SEMA4C: variants seen among roughly 807,000 people sequenced by gnomAD.
SEMA4C encodes semaphorin-4C.
SEMA4C carries 19 observed loss-of-function variants against 89.0 expected under a neutral mutation model. The observed-to-expected ratio is 0.21, with a 90% CI of 0.15 to 0.31. The LOEUF is 0.31. SEMA4C is among the 10% of genes least tolerant of loss of function. The pLI, the probability that SEMA4C is intolerant of heterozygous loss-of-function variation, is 1.00. For synonymous variants in SEMA4C, 428 were observed against 472.7 expected, an observed-to-expected ratio of 0.91 and a Z score of 1.23; for missense variants, 811 against 1,107.0, an observed-to-expected ratio of 0.73 and a Z score of 3.79.
At chr2:96,870,396 C>T (rs368241883), upstream of SEMA4C, 609 of 919,856 alleles carry the variant, frequency 6.6e-4, 3 homozygotes, top group African/African-American at 7.9e-3. Flanking sequence ...TCTGAAGTGT[C>T]CCCCGAAGAC....
Position 96,860,675 on chromosome 2 carries a change from T to A in SEMA4C, c.2453A>T (p.Gln818Leu). Reference sequence around the variant, plus strand: ...GGAGTCGGGCAGTGGCTGGCGTTGCTGCAGTTTGCGTCTCAGTTCATCCGC... The same window carrying A: ...GGAGTCGGGCAGTGGCTGGCGTTGCAGCAGTTTGCGTCTCAGTTCATCCGC... ...ELADELRRKL[Q>L]QRQPLPDSNP... Residue 818 changes from glutamine to leucine, a missense_variant, in exon 15 of 15, where the codon CAG becomes CTG. This residue lies in a region of SEMA4C where 248 missense variants were observed against 269.0 expected (regional missense o/e 0.92). Coordinates refer to ENST00000305476, the MANE Select transcript of SEMA4C (RefSeq NM_017789.5). 1 of 1,613,104 alleles carries A rather than the reference T, an allele frequency of 6.2e-7. No individual in the cohort carries two copies. The highest frequency in any genetic ancestry group is 1.1e-5 in the South Asian group (1 of 91,034).
Position 96,863,909 on chromosome 2 carries a change from C to G in SEMA4C, c.1330+17G>C. The G allele has an allele frequency of 6.2e-7, 1 of 1,600,102 alleles. No individual in the cohort carries two copies. The highest frequency in any genetic ancestry group is 8.5e-7 in the Non-Finnish European group (1 of 1,170,932). On this transcript the variant is annotated intron_variant, in intron 11 of 14. Transcript: ENST00000305476. Reference sequence around the variant, plus strand: ...GCCCAGCCTTGAGCAGCCATGCCTGCATACCCATGCACCCACCTGTGCCAA... The same window carrying G: ...GCCCAGCCTTGAGCAGCCATGCCTGGATACCCATGCACCCACCTGTGCCAA...
At position 96,870,009 on chromosome 2, in the gene SEMA4C, C is replaced by G. The variant is rs1402915453; in HGVS notation, c.-171G>C. 3.0e-6 allele frequency: 3 copies of G among 985,832 alleles called. No individual in the cohort carries two copies. The highest frequency in any genetic ancestry group is 5.2e-4 in the Middle Eastern group (1 of 1,916). 61.1% of individuals were successfully genotyped at this position (985,832 alleles called of 1,614,324 possible). A position where few individuals can be genotyped will look rare whatever the true frequency, so the allele number is the denominator to read the frequency against. On this transcript the variant is annotated 5_prime_UTR_variant, in exon 1 of 15. Coordinates refer to ENST00000305476, the MANE Select transcript of SEMA4C (RefSeq NM_017789.5). ...CGCGGCCTCTCTGCCACCGCCCCTC[C>G]GTCCCCGCCCGGCTCCGCGCCCCTA...
chr2:96,870,030 C>T lies in SEMA4C; in HGVS notation c.-192G>A. On this transcript the variant is annotated 5_prime_UTR_variant, in exon 1 of 15. Transcript: ENST00000305476. ...CCTCCGTCCCCGCCCGGCTCCGCGCCCCTAGGCTCGGGCTCCCCGCGCCAC... is the reference window on the plus strand; with the variant it reads ...CCTCCGTCCCCGCCCGGCTCCGCGCTCCTAGGCTCGGGCTCCCCGCGCCAC... The T allele has an allele frequency of 1.0e-6, 1 of 984,638 alleles. No homozygotes were observed. The highest frequency in any genetic ancestry group is 1.2e-6 in the Non-Finnish European group (1 of 828,856). 61.0% of individuals were successfully genotyped at this position (984,638 alleles called of 1,614,324 possible). A position where few individuals can be genotyped will look rare whatever the true frequency, so the allele number is the denominator to read the frequency against.
chr2:96,861,310 A>G lies in SEMA4C; in HGVS notation c.1818T>C (p.Asp606=). 1 of 1,607,552 alleles carries G rather than the reference A, an allele frequency of 6.2e-7. No homozygotes were observed. Among genetic ancestry groups the G allele is most frequent in the Non-Finnish European group, 8.5e-7 (1 of 1,179,904 alleles). The change falls in exon 15 of 15, where the codon GAT becomes GAC. Residue 606 remains aspartate, a synonymous_variant. Coordinates refer to ENST00000305476, the MANE Select transcript of SEMA4C (RefSeq NM_017789.5). The surrounding 1 kb of genome is among the most constrained non-coding windows in gnomAD (Gnocchi z 7.8). The part of the protein sequence containing the change: ...PAEQPGSFLY[D]ARLQALVVMA... ...TCACAACCAGGGCCTGGAGCCGGGCATCGTAGAGGAAGGACCCGGGCTGTT... is the reference window on the plus strand; with the variant it reads ...TCACAACCAGGGCCTGGAGCCGGGCGTCGTAGAGGAAGGACCCGGGCTGTT...
Position 96,865,899 on chromosome 2 carries a change from T to C in SEMA4C, c.289A>G (p.Thr97Ala). The change falls in exon 4 of 15, where the codon ACT (threonine) becomes GCT (alanine). Residue 97 changes from threonine to alanine, a missense_variant. Physicochemically the swap from Thr to Ala is moderately conservative, Grantham distance 58. Around this residue, in one of 4 missense-constraint regions of SEMA4C, gnomAD observed 119 missense variants for 152.7 expected, o/e 0.78. Transcript: ENST00000305476. ...ISWEAPVEKK[T>A]ECIQKGKNNQ... ...TTCTTCCCTTTCTGGATACACTCAG[T>C]CTTCTTCTCCACGGGGGCCTCCCAG... The C allele has an allele frequency of 6.2e-7, 1 of 1,614,038 alleles. No individual in the cohort carries two copies.
Position 96,864,406 on chromosome 2 carries a change from G to A in SEMA4C, c.963-24C>T. The A allele has an allele frequency of 6.2e-7, 1 of 1,611,480 alleles. No individual in the cohort carries two copies. The highest frequency in any genetic ancestry group is 8.5e-7 in the Non-Finnish European group (1 of 1,179,868). ...CCCTGTCACAGCGAGAGGGAGCCCAGGGTCAGGTACCCACCTTATCTCTTC... is the reference window on the plus strand; with the variant it reads ...CCCTGTCACAGCGAGAGGGAGCCCAAGGTCAGGTACCCACCTTATCTCTTC... On this transcript the variant is annotated intron_variant, in intron 9 of 14. Transcript: ENST00000305476. The surrounding 1 kb of genome is among the most constrained non-coding windows in gnomAD (Gnocchi z 6.3).
At chr2:96,866,078 C>G in intron 3 of SEMA4C, 149 bp from the exon 4 acceptor site, 1 of 1,068,040 alleles carries the variant, frequency 9.4e-7, no homozygotes, top group East Asian at 2.5e-5. Context: ...GAATGGAAGC[C>G]CCAAACCACC....
At chr2:96,862,191 C>G in intron 12 of SEMA4C, 1 of 415,438 alleles carries the variant, frequency 2.4e-6, no homozygotes. Context: ...CACACACACT[C>G]ACACACACAT....
At chr2:96,867,696 G>T in intron 2 of SEMA4C, 82 bp downstream of exon 2, 1 of 1,355,358 alleles carries the variant, frequency 7.4e-7, no homozygotes. Context: ...TGCCACACAC[G>T]TGAGAATAAA....
Position 96,865,783 on chromosome 2 carries a change from C to A in SEMA4C, c.322-19G>T, listed in dbSNP as rs2080056145. ...ACTCGGTCTGGGGGCAGAAAGGTGT[C>A]CGGTTAGTGAGAGCGCGAGGGCCAG... On this transcript the variant is annotated intron_variant, in intron 4 of 14. Transcript: ENST00000305476. 5 of 1,613,774 alleles carry A rather than the reference C, an allele frequency of 3.1e-6. No homozygotes were observed. The highest frequency in any genetic ancestry group is 3.4e-6 in the Non-Finnish European group (4 of 1,179,862).
chr2:96,868,240 C>T (rs2080126479), intron 1 of SEMA4C, among the ~76,000 whole-genome samples: 4 of 152,242 alleles, frequency 2.6e-5, no homozygotes, highest in African/African-American at 9.6e-5. Context: ...GGACCCCCGC[C>T]CAACATACAC....
At position 96,860,615 on chromosome 2, in the gene SEMA4C, G is replaced by A; in HGVS notation, c.*11C>T. On this transcript the variant is annotated 3_prime_UTR_variant, in exon 15 of 15. Coordinates refer to ENST00000305476, the MANE Select transcript of SEMA4C (RefSeq NM_017789.5). The stretch of plus-strand genomic sequence containing the variant: ...CTCCCACGCTTCCCGCCGACGCGGT[G>A]GGGGTTCCCCTCATACTGATGACTC... The A allele has an allele frequency of 1.3e-6, 2 of 1,581,074 alleles. No individual in the cohort carries two copies.
intron 1 of SEMA4C, chr2:96,869,227 C>G (rs1486772203): frequency 1.0e-6 from 1 of 985,294 alleles, no homozygotes; most frequent in Non-Finnish European, 1.2e-6. Context: ...TCCGAGGATC[C>G]GCCCGGCAGC....
upstream of SEMA4C, chr2:96,870,362 G>C: frequency 1.0e-6 from 1 of 970,766 alleles, no homozygotes; most frequent in Non-Finnish European, 1.2e-6. Context: ...TATGGCCACG[G>C]GGGAATCACA....
In SEMA4C at chr2:96,866,666, A is replaced by G. The variant is rs749268437; in HGVS notation, c.110-235T>C. 1.6e-5 allele frequency: 11 copies of G among 678,666 alleles called. No homozygotes were observed. In the South Asian group the frequency reaches 1.7e-4, roughly 10 times the overall value. The allele number at this position is 678,666 out of a possible 1,614,324, so 42.0% of individuals were successfully genotyped here. On this transcript the variant is annotated intron_variant, in intron 2 of 14. Coordinates refer to ENST00000305476, the MANE Select transcript of SEMA4C (RefSeq NM_017789.5). ...CAGGCTGCTGGGAGGAAGGAAGGATATCTCAGCCACAGCTTCCGGCCAGAG... is the reference window on the plus strand; with the variant it reads ...CAGGCTGCTGGGAGGAAGGAAGGATGTCTCAGCCACAGCTTCCGGCCAGAG...
Position 96,864,834 on chromosome 2 carries a change from A to T in SEMA4C, c.833T>A (p.Phe278Tyr). The T allele has an allele frequency of 6.2e-7, 1 of 1,613,752 alleles. No individual in the cohort carries two copies. The highest frequency in any genetic ancestry group is 8.5e-7 in the Non-Finnish European group (1 of 1,179,974). The change falls in exon 9 of 15, where the codon TTC becomes TAC. Residue 278 changes from phenylalanine to tyrosine, a missense_variant. Physicochemically the swap from Phe to Tyr is conservative, Grantham distance 22 (BLOSUM62 3). This residue lies in a region of SEMA4C where 441 missense variants were observed against 664.9 expected (regional missense o/e 0.66). Coordinates refer to ENST00000305476, the MANE Select transcript of SEMA4C (RefSeq NM_017789.5). The surrounding 1 kb of genome is among the most constrained non-coding windows in gnomAD (Gnocchi z 6.3). Reference protein sequence around the residue: ...ARTLQRKWTTFLKARLACSAP... With the variant: ...ARTLQRKWTTYLKARLACSAP... ...AGAGCATGCCAGCCGCGCCTTCAGG[A>T]ACGTGGTCCACTTCCTCTGCAGGGT...
chr2:96,866,577 C>A (rs562151902), intron 2 of SEMA4C, 146 bp from the exon 3 acceptor site: 9 of 1,180,592 alleles, frequency 7.6e-6, no homozygotes, highest in African/African-American at 3.0e-5. Flanking sequence ...TTTGAAACAG[C>A]CTTTGGCCCT....
At chr2:96,866,729 A>G (rs1337081579) in intron 2 of SEMA4C, 1 of 512,794 alleles carries the variant, frequency 2.0e-6, no homozygotes, top group Non-Finnish European at 3.7e-6. Flanking sequence ...CTCAGGGTCA[A>G]TGGCACCTCC....
Sources: gnomAD v4.1 joint callset for allele counts (sites outside exome capture counted in the v4.1 genomes callset) on GRCh38, gnomAD v4.1.1 for gene constraint, gnomAD v4.1.1 regional missense constraint, Gnocchi (gnomAD v3.1) non-coding constraint, MANE v1.5 for transcripts, NCBI Gene and HGNC (gene_info 2026-07-23, HGNC 2026-07-21) for gene names.